Variants in KCNIP4 observed in about 807,000 individuals in gnomAD.
KCNIP4 encodes the protein Kv channel-interacting protein 4.
A neutral mutation model predicts 34.0 loss-of-function variants in KCNIP4; 12 were observed. The ratio of observed to expected loss-of-function variants is 0.35; its 90% CI spans 0.23 to 0.57. The LOEUF is 0.57. KCNIP4 is among the 20% of genes least tolerant of loss of function. KCNIP4 has a pLI of 0.83. For missense variants in KCNIP4, 238 were observed against 311.7 expected (o/e 0.76, Z 1.78); for synonymous variants, 124 against 102.2 (o/e 1.21, Z -1.29).
intron 1 of KCNIP4, among the ~76,000 whole-genome samples, chr4:21,678,991 AC>A (rs1016777888): frequency 3.0e-4 from 46 of 152,308 alleles, no homozygotes; most frequent in African/African-American, 1.1e-3. Context: ...ACAGGGAGAT[AC>A]CAGGAGCACA....
chr4:20,800,281 G>A (rs571870606), intron 3 of KCNIP4, among the ~76,000 whole-genome samples: 9 of 152,240 alleles, frequency 5.9e-5, no homozygotes, highest in East Asian at 1.9e-4. Context: ...GCCCACCTTC[G>A]GTGAAAGCCT....
At chr4:21,071,126 T>G (rs1744876448) in intron 1 of KCNIP4, among the ~76,000 whole-genome samples, 1 of 152,142 alleles carries the variant, frequency 6.6e-6, no homozygotes, top group South Asian at 2.1e-4. Context: ...GAAATCCCAT[T>G]TGGTTATTTT....
chr4:21,824,014 C>T (rs1228881863), intron 1 of KCNIP4, among the ~76,000 whole-genome samples: 8 of 152,052 alleles, frequency 5.3e-5, no homozygotes, highest in African/African-American at 1.2e-4. Context: ...GATAAGAGCT[C>T]GTGCAATGGG....
chr4:21,807,592 C>A (rs1578015303), intron 1 of KCNIP4, among the ~76,000 whole-genome samples: 1 of 152,192 alleles, frequency 6.6e-6, no homozygotes, highest in African/African-American at 2.4e-5. Flanking sequence ...TGAGTTGTTC[C>A]CAGAAAACAT....
chr4:21,591,192 A>C (rs1000555642), intron 1 of KCNIP4, among the ~76,000 whole-genome samples: 62 of 152,160 alleles, frequency 4.1e-4, no homozygotes, highest in African/African-American at 1.4e-3. Flanking sequence ...AGGTGTCATA[A>C]AAAACAAGGA....
At chr4:21,634,720 T>C (rs990056075) in intron 1 of KCNIP4, among the ~76,000 whole-genome samples, 4 of 152,310 alleles carry the variant, frequency 2.6e-5, no homozygotes, top group South Asian at 2.1e-4. Context: ...ATTTAAATCA[T>C]CTCATTTGTA....
At chr4:21,719,963 CA>C (rs35540264) in intron 1 of KCNIP4, among the ~76,000 whole-genome samples, 8,846 of 23,934 alleles carry the variant, frequency 0.37, 925 homozygotes, top group African/African-American at 0.54. Flanking sequence ...AGCTCCATCT[CA>C]AAAAAAAAAA....
intron 1 of KCNIP4, among the ~76,000 whole-genome samples, chr4:21,375,769 C>T (rs1254372373): frequency 6.6e-6 from 1 of 151,876 alleles, no homozygotes; most frequent in Non-Finnish European, 1.5e-5. Context: ...GGGGTTTCAC[C>T]GTGTTACCAG....
chr4:20,806,132 G>A (rs76124631), intron 3 of KCNIP4, among the ~76,000 whole-genome samples: 42 of 151,610 alleles, frequency 2.8e-4, no homozygotes, highest in Middle Eastern at 6.8e-3. Flanking sequence ...TACTTTTTCC[G>A]TCTAATAACT....
At chr4:21,567,671 T>C (rs763479618) in intron 1 of KCNIP4, among the ~76,000 whole-genome samples, 1 of 152,050 alleles carries the variant, frequency 6.6e-6, no homozygotes, top group African/African-American at 2.4e-5. Context: ...ACATAAACCA[T>C]CTGAAATACC....
At chr4:21,340,935 G>T (rs187802360) in intron 1 of KCNIP4, among the ~76,000 whole-genome samples, 1 of 152,056 alleles carries the variant, frequency 6.6e-6, no homozygotes, top group Non-Finnish European at 1.5e-5. Context: ...TATTAACATC[G>T]GTGGGAACCT....
At chr4:21,758,596 A>T (rs1212221183) in intron 1 of KCNIP4, among the ~76,000 whole-genome samples, 4 of 152,214 alleles carry the variant, frequency 2.6e-5, no homozygotes, top group African/African-American at 9.6e-5. Context: ...GGACATCCAC[A>T]GTTGCATAAG....
At chr4:21,101,021 G>A (rs1413164791) in intron 1 of KCNIP4, among the ~76,000 whole-genome samples, 1 of 152,066 alleles carries the variant, frequency 6.6e-6, no homozygotes, top group Non-Finnish European at 1.5e-5. Context: ...TGCACATATT[G>A]CGTAGTGGTG....
At position 20,736,186 on chromosome 4, in the gene KCNIP4, G is replaced by A. The variant is rs183541537; in HGVS notation, c.430-1451C>T. On this transcript the variant is annotated intron_variant, in intron 5 of 8. Coordinates refer to ENST00000382152, the MANE Select transcript of KCNIP4 (RefSeq NM_025221.6). ...TTGTATTTACTTCCAAGGAATTTTT[G>A]TGCATACACAAGTATAAGATATATT... Among the ~76,000 whole-genome samples, 251 of 152,108 alleles carry A rather than the reference G, an allele frequency of 1.7e-3. 1 individual carries two copies. Among genetic ancestry groups the A allele is most frequent in the African/African-American group, 5.9e-3 (244 of 41,490 alleles).
chr4:20,815,029 TC>T (rs1166957805), intron 3 of KCNIP4, among the ~76,000 whole-genome samples: 1 of 152,130 alleles, frequency 6.6e-6, no homozygotes, highest in Non-Finnish European at 1.5e-5. Context: ...ATCCACACAG[TC>T]CTGACAAAGC....
chr4:20,872,633 T>A (rs911132309), intron 2 of KCNIP4, among the ~76,000 whole-genome samples: 1 of 152,160 alleles, frequency 6.6e-6, no homozygotes, highest in African/African-American at 2.4e-5. Context: ...GAAAATAGGT[T>A]GTATAGCTCC....
intron 1 of KCNIP4, among the ~76,000 whole-genome samples, chr4:21,392,552 A>T (rs1034939825): frequency 1.3e-5 from 2 of 152,236 alleles, no homozygotes; most frequent in African/African-American, 4.8e-5. Context: ...GGATTTACGA[A>T]GCGCTGTGAG....
chr4:21,602,854 A>G (rs1014142633), intron 1 of KCNIP4, among the ~76,000 whole-genome samples: 3 of 152,186 alleles, frequency 2.0e-5, no homozygotes, highest in Non-Finnish European at 4.4e-5. Context: ...TCTTAATTAA[A>G]GAAATAAAGA....
chr4:21,394,080 G>A (rs1217226296), intron 1 of KCNIP4, among the ~76,000 whole-genome samples: 1 of 152,076 alleles, frequency 6.6e-6, no homozygotes, highest in Non-Finnish European at 1.5e-5. Flanking sequence ...TTAATCTACT[G>A]TGCAGTCTTT....
Sources: gnomAD v4.1 joint callset for allele counts (sites outside exome capture counted in the v4.1 genomes callset) on GRCh38, gnomAD v4.1.1 for gene constraint, MANE v1.5 for transcripts, NCBI Gene and HGNC (gene_info 2026-07-23, HGNC 2026-07-21) for gene names.